DAG1: variants seen among roughly 807,000 people sequenced by gnomAD.
The protein encoded by DAG1 is dystroglycan 1, also known as dystroglycan 1 (dystrophin-associated glycoprotein 1).
A neutral mutation model predicts 46.1 loss-of-function variants in DAG1; 8 were observed. The ratio of observed to expected loss-of-function variants is 0.17; its 90% confidence interval spans 0.10 to 0.31. DAG1 has a LOEUF of 0.31. Ranked by LOEUF, DAG1 falls within the 10% of genes least tolerant of loss-of-function variation. The probability of loss-of-function intolerance (pLI) is 1.00; values close to 1 mark genes in which losing one functional copy is unlikely to be tolerated. For synonymous variants in DAG1, 495 were observed against 481.8 expected, an observed-to-expected ratio of 1.03 and a Z score of -0.36; for missense variants, 1,003 against 1,189.9, an observed-to-expected ratio of 0.84 and a Z score of 2.31.
At chr3:49,471,006 G>T (rs2049504257) in intron 1 of DAG1, 1 of 152,236 alleles carries the variant, frequency 6.6e-6, no homozygotes, top group Non-Finnish European at 1.5e-5. Flanking sequence ...TGTCTCCACA[G>T]AAAATGTCGT....
intron 1 of DAG1, among the ~76,000 whole-genome samples, chr3:49,489,104 T>C (rs1298665569): frequency 6.6e-6 from 1 of 151,842 alleles, no homozygotes; most frequent in Non-Finnish European, 1.5e-5. Context: ...TTACCTTTTT[T>C]TTTTTTTTGA....
Position 49,510,638 on chromosome 3 carries a change from C to A in DAG1, c.104C>A (p.Pro35His). 1 of 1,614,156 alleles carries A rather than the reference C, an allele frequency of 6.2e-7. No individual in the cohort carries two copies. Among genetic ancestry groups the A allele is most frequent in the South Asian group, 1.1e-5 (1 of 91,080 alleles). Residue 35 changes from proline to histidine, a missense_variant, in exon 2 of 3, where the codon CCC becomes CAC. Transcript: ENST00000308775. ...VMAQSHWPSE[P>H]SEAVRDWENQ... ...GCTCAGTCCCACTGGCCCAGTGAAC[C>A]CTCAGAGGCTGTCAGGGACTGGGAA...
intron 1 of DAG1, among the ~76,000 whole-genome samples, chr3:49,509,290 C>T (rs1257517512): frequency 1.3e-5 from 2 of 152,156 alleles, no homozygotes; most frequent in Non-Finnish European, 2.9e-5. Flanking sequence ...TAAAAACTAG[C>T]TGAGTGGAGT....
intron 2 of DAG1, among the ~76,000 whole-genome samples, chr3:49,529,741 T>C (rs962743188): frequency 1.3e-5 from 2 of 152,188 alleles, no homozygotes; most frequent in Non-Finnish European, 2.9e-5. Context: ...TTTTCTTGCA[T>C]TGGGGCAGGA....
rs2051460562 is a variant in DAG1, at chr3:49,534,622, C to T, written c.*1423C>T. ...TTTGATTCTTTTCCCCCTACTTTTC[C>T]TAATGGTTTAAATTCTGGAATTACA... On this transcript the variant is annotated 3_prime_UTR_variant, in exon 3 of 3. Coordinates refer to ENST00000308775, the MANE Select transcript of DAG1 (RefSeq NM_004393.6). 1 of 152,564 alleles carries T rather than the reference C, an allele frequency of 6.6e-6. No individual in the cohort carries two copies. The highest frequency in any genetic ancestry group is 2.4e-5 in the African/African-American group (1 of 41,420). 9.5% of individuals were successfully genotyped at this position (152,564 alleles called of 1,614,324 possible).
chr3:49,476,988 A>G (rs2049698493), intron 1 of DAG1: 2 of 152,070 alleles, frequency 1.3e-5, no homozygotes, highest in Non-Finnish European at 2.9e-5. Flanking sequence ...CCACAGAATT[A>G]TATTTATTTA....
intron 2 of DAG1, among the ~76,000 whole-genome samples, chr3:49,512,232 C>T (rs1008407038): frequency 1.2e-4 from 18 of 151,728 alleles, no homozygotes; most frequent in Middle Eastern, 3.4e-3. Flanking sequence ...GACAGAGTTT[C>T]GCTCTTGTCG....
chr3:49,497,081 T>C (rs2050333095), intron 1 of DAG1, among the ~76,000 whole-genome samples: 1 of 151,650 alleles, frequency 6.6e-6, no homozygotes, highest in African/African-American at 2.4e-5. Context: ...AGGAGGATTG[T>C]TTGAACCAGG....
At chr3:49,530,325 C>A (rs2051305459) in intron 2 of DAG1, among the ~76,000 whole-genome samples, 3 of 152,146 alleles carry the variant, frequency 2.0e-5, no homozygotes, top group Admixed American at 2.0e-4. Flanking sequence ...GAATGGTCCT[C>A]CAGGCCAGGC....
chr3:49,510,373 C>T lies in DAG1; in HGVS notation c.-116-46C>T, dbSNP rs1053430688. On this transcript the variant is annotated intron_variant, in intron 1 of 2. Transcript: ENST00000308775. ...TCCTGGAGGATAGTATGTGACTGAA[C>T]CACTGGAATTGCTCAAGTCTAAACC... 9.7e-5 allele frequency: 68 copies of T among 703,978 alleles called. 1 individual carries two copies. Among genetic ancestry groups the T allele is most frequent in the South Asian group, 1.6e-4 (10 of 61,246 alleles). 43.6% of individuals were successfully genotyped at this position (703,978 alleles called of 1,614,324 possible). A position where few individuals can be genotyped will look rare whatever the true frequency, so the allele number is the denominator to read the frequency against.
chr3:49,502,061 C>G (rs1200633710), intron 1 of DAG1, among the ~76,000 whole-genome samples: 2 of 152,124 alleles, frequency 1.3e-5, no homozygotes, highest in Non-Finnish European at 2.9e-5. Context: ...GTAGTTCCAG[C>G]TACTTGAGAG....
chr3:49,518,295 C>T (rs1399363254), intron 2 of DAG1, among the ~76,000 whole-genome samples: 3 of 152,066 alleles, frequency 2.0e-5, no homozygotes, highest in Admixed American at 6.6e-5. Flanking sequence ...TGGGGGTTGA[C>T]GGTAGAATAA....
chr3:49,532,194 G>A lies in DAG1; in HGVS notation c.1683G>A (p.Met561Ile), dbSNP rs2051370694. Reference protein sequence around the residue: ...WVQFNSNSQLMYGLPDSSHVG... With the variant: ...WVQFNSNSQLIYGLPDSSHVG... ...AGTTCAACAGCAACAGCCAGCTCAT[G>A]TATGGCCTTCCCGACAGCAGCCACG... is the stretch of plus-strand genomic sequence containing the variant. Residue 561 changes from methionine to isoleucine, a missense_variant, in exon 3 of 3, where the codon ATG becomes ATA. By Grantham distance (10) the Met-to-Ile change is conservative. Transcript: ENST00000308775. This position sits in a 1 kb window ranked among gnomAD's most constrained non-coding sequence, Gnocchi z 5.4. The A allele has an allele frequency of 6.2e-7, 1 of 1,614,106 alleles. No homozygotes were observed. Among genetic ancestry groups the A allele is most frequent in the African/African-American group, 1.3e-5 (1 of 74,938 alleles).
At chr3:49,471,586 G>A (rs192835898) in intron 1 of DAG1, among the ~76,000 whole-genome samples, 1 of 152,152 alleles carries the variant, frequency 6.6e-6, no homozygotes, top group South Asian at 2.1e-4. Flanking sequence ...CCTGTGTCCT[G>A]TATTTTGGAG....
intron 1 of DAG1, among the ~76,000 whole-genome samples, chr3:49,479,220 C>T (rs890433418): frequency 6.6e-6 from 1 of 152,080 alleles, no homozygotes; most frequent in Non-Finnish European, 1.5e-5. Flanking sequence ...GCCTGTTGTT[C>T]ACCTTTCCAG....
chr3:49,510,126 AAT>A (rs763362465), intron 1 of DAG1: 40 of 405,032 alleles, frequency 9.9e-5, no homozygotes, highest in South Asian at 2.2e-4. Flanking sequence ...AAATATTACT[AAT>A]ACATATCATT....
chr3:49,474,354 A>G (rs2049616792), intron 1 of DAG1, among the ~76,000 whole-genome samples: 1 of 147,524 alleles, frequency 6.8e-6, no homozygotes, highest in Admixed American at 6.8e-5. Flanking sequence ...GCACCCGGCT[A>G]ATTTTTTTTG....
chr3:49,532,025 G>A lies in DAG1; in HGVS notation c.1514G>A (p.Arg505Lys), dbSNP rs1411304453. The change falls in exon 3 of 3, where the codon AGG becomes AAG. Residue 505 changes from arginine to lysine, a missense_variant. Physicochemically the swap from Arg to Lys is conservative, Grantham distance 26 (BLOSUM62 2). This residue lies in a region of DAG1 where 755 missense variants were observed against 854.1 expected (regional missense o/e 0.88). Transcript: ENST00000308775. The surrounding 1 kb of genome is among the most constrained non-coding windows in gnomAD (Gnocchi z 5.4). ...CCAGAGCTCAAGAACCATATTGACA[G>A]GGTAGATGCCTGGGTTGGCACCTAC... is the stretch of plus-strand genomic sequence containing the variant. ...QRPELKNHID[R>K]VDAWVGTYFE... 2 of 1,614,080 alleles carry A rather than the reference G, an allele frequency of 1.2e-6. No individual in the cohort carries two copies. Among genetic ancestry groups the A allele is most frequent in the Admixed American group, 3.3e-5 (2 of 60,010 alleles).
At chr3:49,519,438 C>G (rs2050974016) in intron 2 of DAG1, among the ~76,000 whole-genome samples, 1 of 152,128 alleles carries the variant, frequency 6.6e-6, no homozygotes, top group African/African-American at 2.4e-5. Flanking sequence ...TGGCACGGGC[C>G]CCCAATTGTT....
Sources: allele counts gnomAD v4.1 joint callset (sites outside exome capture counted in the v4.1 genomes callset), GRCh38; gene constraint gnomAD v4.1.1; regional missense constraint gnomAD v4.1.1; non-coding constraint Gnocchi (gnomAD v3.1); transcripts MANE v1.5; gene names NCBI Gene and HGNC (gene_info 2026-07-23, HGNC 2026-07-21).